Variants in RYR2 observed in about 807,000 individuals in gnomAD.
The protein encoded by RYR2 is cardiac muscle ryanodine receptor-calcium release channel.
A neutral mutation model predicts 601.1 loss-of-function variants in RYR2; 227 were observed. The ratio of observed to expected loss-of-function variants is 0.38; its 90% CI spans 0.34 to 0.42. RYR2 has a LOEUF of 0.42. RYR2 is among the 10% of genes least tolerant of loss of function. RYR2 has a pLI of 1.00. For missense variants in RYR2, 4,646 were observed against 6,156.5 expected (o/e 0.75, Z 8.21); for synonymous variants, 2,223 against 2,175.1 (o/e 1.02, Z -0.61).
At position 237,439,108 on chromosome 1, in the gene RYR2, G is replaced by GTTGGATGCTT. The variant is rs200797533; in HGVS notation, c.1006-2208_1006-2199dup. 8.0e-3 allele frequency among the ~76,000 whole-genome samples: 1,218 copies of GTTGGATGCTT among 152,220 alleles called. 20 individuals carry two copies. Among genetic ancestry groups the GTTGGATGCTT allele is most frequent in the African/African-American group, 0.028 (1,158 of 41,526 alleles). On this transcript the variant is annotated intron_variant, in intron 12 of 104. Transcript: ENST00000366574. ...TTCCAGTAATACAGGCTACTATTCT[G>GTTGGATGCTT]TTGGATGCTTTTACTAGATGTCACA...
intron 2 of RYR2, among the ~76,000 whole-genome samples, chr1:237,303,114 A>AT (rs1693524187): frequency 6.6e-6 from 1 of 151,972 alleles, no homozygotes; most frequent in African/African-American, 2.4e-5. Flanking sequence ...TTCTTCGAGT[A>AT]TTTGTCTTTT....
chr1:237,370,184 C>T (rs1174337621), intron 6 of RYR2, among the ~76,000 whole-genome samples: 1 of 151,684 alleles, frequency 6.6e-6, no homozygotes, highest in Admixed American at 6.6e-5. Flanking sequence ...TTTATAAATA[C>T]TTTAATGTAT....
intron 27 of RYR2, among the ~76,000 whole-genome samples, chr1:237,556,100 G>A (rs190843030): frequency 3.9e-5 from 6 of 152,092 alleles, no homozygotes; most frequent in East Asian, 1.9e-4. Context: ...TAGCTAATAC[G>A]TATTAATAAT....
intron 8 of RYR2, among the ~76,000 whole-genome samples, chr1:237,386,588 T>G (rs1558730982): frequency 6.6e-6 from 1 of 152,194 alleles, no homozygotes; most frequent in Non-Finnish European, 1.5e-5. Flanking sequence ...TTATGATGAG[T>G]AAAATAAGCA....
chr1:237,775,756 T>C (rs1694613366), intron 87 of RYR2, among the ~76,000 whole-genome samples: 1 of 152,188 alleles, frequency 6.6e-6, no homozygotes, highest in Non-Finnish European at 1.5e-5. Flanking sequence ...AAGTTTGATC[T>C]GTCCTTGGCA....
At chr1:237,787,713 G>A (rs945317037) in intron 91 of RYR2, among the ~76,000 whole-genome samples, 2 of 151,110 alleles carry the variant, frequency 1.3e-5, no homozygotes, top group African/African-American at 2.4e-5. Flanking sequence ...TTGCAGAATT[G>A]GAAGGAATCT....
intron 1 of RYR2, among the ~76,000 whole-genome samples, chr1:237,109,770 G>A (rs1669235485): frequency 6.6e-6 from 1 of 151,812 alleles, no homozygotes; most frequent in African/African-American, 2.4e-5. Flanking sequence ...AGGGGAAACG[G>A]AAATTTACAT....
intron 1 of RYR2, among the ~76,000 whole-genome samples, chr1:237,152,747 A>G (rs182518672): frequency 1.3e-5 from 2 of 152,322 alleles, no homozygotes; most frequent in Admixed American, 1.3e-4. Context: ...ATAGGCGTGG[A>G]CAAAGATTTT....
intron 14 of RYR2, among the ~76,000 whole-genome samples, chr1:237,451,788 AT>A (rs1237699266): frequency 2.0e-5 from 3 of 151,940 alleles, no homozygotes; most frequent in Admixed American, 6.6e-5. Flanking sequence ...TTTTTCAGTT[AT>A]TTTTTTACTA....
intron 97 of RYR2, 73 bp from the exon 98 acceptor site, chr1:237,801,783 G>T: frequency 1.1e-6 from 1 of 915,312 alleles, no homozygotes; most frequent in Non-Finnish European, 1.7e-6. Flanking sequence ...TGTGAAGGCC[G>T]TCAGGCTCTC....
chr1:237,620,838 G>A (rs1678995319), intron 38 of RYR2, among the ~76,000 whole-genome samples: 1 of 151,930 alleles, frequency 6.6e-6, no homozygotes, highest in Admixed American at 6.6e-5. Flanking sequence ...CAGAATTCAA[G>A]ACTCCTCTCT....
chr1:237,354,190 A>G (rs576045400), intron 3 of RYR2, among the ~76,000 whole-genome samples: 1 of 152,266 alleles, frequency 6.6e-6, no homozygotes, highest in Non-Finnish European at 1.5e-5. Context: ...TTGTTACATT[A>G]TTGCTCCTAA....
At chr1:237,822,794 G>A (rs1221150744) in intron 101 of RYR2, among the ~76,000 whole-genome samples, 1 of 152,152 alleles carries the variant, frequency 6.6e-6, no homozygotes, top group African/African-American at 2.4e-5. Flanking sequence ...CATCTCATGT[G>A]CAAAGACACA....
intron 16 of RYR2, among the ~76,000 whole-genome samples, chr1:237,466,244 T>C (rs941657943): frequency 6.6e-6 from 1 of 152,142 alleles, no homozygotes; most frequent in Non-Finnish European, 1.5e-5. Flanking sequence ...TGGCTCATGG[T>C]AGCCTTGACC....
At chr1:237,341,610 A>G (rs1247510812) in intron 3 of RYR2, 3 of 514,188 alleles carry the variant, frequency 5.8e-6, no homozygotes, top group African/African-American at 1.9e-5. Flanking sequence ...TTGCTATACC[A>G]CTAACATCCA....
At chr1:237,382,996 A>G (rs1252944306) in intron 8 of RYR2, among the ~76,000 whole-genome samples, 2 of 151,836 alleles carry the variant, frequency 1.3e-5, no homozygotes, top group Non-Finnish European at 2.9e-5. Flanking sequence ...TTAAATGACA[A>G]TTTGTTCAGA....
At position 237,801,845 on chromosome 1, in the gene RYR2, T is replaced by TG. The variant is rs1553332746; in HGVS notation, c.14091-10dup. 1.3e-6 allele frequency: 2 copies of TG among 1,571,450 alleles called. No individual in the cohort carries two copies. Among genetic ancestry groups the TG allele is most frequent in the Non-Finnish European group, 1.7e-6 (2 of 1,152,472 alleles). ...TGCATAACTACGCATTTTTTTTTTT[T>TG]GTCATTGCAGACTGAACTCCATTGA... On this transcript the variant is annotated splice_polypyrimidine_tract_variant and intron_variant, in intron 97 of 104. Coordinates refer to ENST00000366574, the MANE Select transcript of RYR2 (RefSeq NM_001035.3).
At chr1:237,514,824 G>C (rs1266760624) in intron 24 of RYR2, among the ~76,000 whole-genome samples, 1 of 152,036 alleles carries the variant, frequency 6.6e-6, no homozygotes, top group Non-Finnish European at 1.5e-5. Context: ...ATTATTATAG[G>C]GACTAACTAA....
intron 47 of RYR2, 83 bp downstream of exon 47, chr1:237,641,085 C>A (rs1681419220): frequency 1.2e-6 from 1 of 838,238 alleles, no homozygotes; most frequent in Non-Finnish European, 1.8e-6. Context: ...ATAACAGCAT[C>A]CAAAACCAAT....
Sources: gnomAD v4.1 joint callset for allele counts (sites outside exome capture counted in the v4.1 genomes callset) on GRCh38, gnomAD v4.1.1 for gene constraint, MANE v1.5 for transcripts, NCBI Gene and HGNC (gene_info 2026-07-23, HGNC 2026-07-21) for gene names.